The following ZNF804A variants were observed in gnomAD, a reference collection of about 807,000 sequenced individuals.
ZNF804A encodes zinc finger protein 804A.
Under a neutral mutation model 16.5 loss-of-function variants are expected in ZNF804A, and 2 were observed. That is an observed-to-expected ratio of 0.12 (90% CI 0.05 to 0.38). ZNF804A has a LOEUF of 0.38. ZNF804A is among the 10% of genes least tolerant of loss of function. ZNF804A has a pLI of 0.99. For missense variants in ZNF804A, 1,473 were observed against 1,390.7 expected (o/e 1.06, Z -0.94); for synonymous variants, 534 against 489.6 (o/e 1.09, Z -1.20).
intron 1 of ZNF804A, among the ~76,000 whole-genome samples, chr2:184,864,352 A>G (rs1427894339): frequency 3.9e-5 from 6 of 152,164 alleles, no homozygotes; most frequent in Non-Finnish European, 7.3e-5. Flanking sequence ...GTGTTAATCT[A>G]TTGATGAAGG....
intron 1 of ZNF804A, among the ~76,000 whole-genome samples, chr2:184,809,337 A>C (rs1694857743): frequency 6.6e-6 from 1 of 151,896 alleles, no homozygotes; most frequent in African/African-American, 2.4e-5. Context: ...GAGTAGGAGA[A>C]AGTGAATGGA....
chr2:184,795,669 C>T (rs551457262), intron 1 of ZNF804A, among the ~76,000 whole-genome samples: 1 of 152,010 alleles, frequency 6.6e-6, no homozygotes, highest in East Asian at 1.9e-4. Context: ...ATTGATAGAC[C>T]TTTATCAAGT....
chr2:184,621,722 T>C (rs1424195542), intron 1 of ZNF804A, among the ~76,000 whole-genome samples: 3 of 151,794 alleles, frequency 2.0e-5, no homozygotes, highest in East Asian at 3.8e-4. Context: ...AGTAGAAATA[T>C]TTTTAAAAAT....
intron 1 of ZNF804A, among the ~76,000 whole-genome samples, chr2:184,616,954 C>T (rs80104899): frequency 6.6e-6 from 1 of 152,120 alleles, no homozygotes; most frequent in East Asian, 1.9e-4. Context: ...TTGGATGTCA[C>T]ACATTCATAT....
chr2:184,892,374 T>C (rs1334275609), intron 2 of ZNF804A, among the ~76,000 whole-genome samples: 3 of 151,980 alleles, frequency 2.0e-5, no homozygotes, highest in Non-Finnish European at 4.4e-5. Flanking sequence ...ATTTTTTGGG[T>C]TGTTGAAAGA....
chr2:184,767,051 C>T (rs1694139293), intron 1 of ZNF804A, among the ~76,000 whole-genome samples: 1 of 152,074 alleles, frequency 6.6e-6, no homozygotes, highest in African/African-American at 2.4e-5. Context: ...TATCTACAAG[C>T]CAAGGAGAAA....
chr2:184,741,312 A>G (rs1693705647), intron 1 of ZNF804A, among the ~76,000 whole-genome samples: 1 of 152,208 alleles, frequency 6.6e-6, no homozygotes, highest in African/African-American at 2.4e-5. Flanking sequence ...CTCATTCAGT[A>G]CAAGTTGCAG....
chr2:184,713,131 C>A (rs1693156302), intron 1 of ZNF804A, among the ~76,000 whole-genome samples: 1 of 151,632 alleles, frequency 6.6e-6, no homozygotes, highest in Non-Finnish European at 1.5e-5. Context: ...AAATAGCCAC[C>A]TCTCCCAGTC....
chr2:184,877,663 C>T (rs1684730088), intron 2 of ZNF804A, among the ~76,000 whole-genome samples: 2 of 152,006 alleles, frequency 1.3e-5, no homozygotes, highest in Non-Finnish European at 2.9e-5. Flanking sequence ...TTAAAAATAG[C>T]ATTCCCAGAG....
Position 184,938,691 on chromosome 2 carries a change from C to T in ZNF804A, c.3295C>T (p.His1099Tyr). The T allele has an allele frequency of 6.2e-7, 1 of 1,613,772 alleles. No individual in the cohort carries two copies. The highest frequency in any genetic ancestry group is 2.2e-5 in the East Asian group (1 of 44,820). The change falls in exon 4 of 4, where the codon CAT becomes TAT. Residue 1099 changes from histidine (H) to tyrosine (Y), a missense_variant. His to Tyr is a moderately conservative substitution (Grantham distance 83). Transcript: ENST00000302277. ...ATGTTCTACCTCTGTAACCACTATC[C>T]ATCACACTGTTTTGCAGCAGCACGC... ...SLCSTSVTTI[H>Y]HTVLQQHAAA...
At chr2:184,846,945 A>G (rs1185828082) in intron 1 of ZNF804A, among the ~76,000 whole-genome samples, 1 of 152,122 alleles carries the variant, frequency 6.6e-6, no homozygotes, top group East Asian at 1.9e-4. Flanking sequence ...CTTCTTGTAC[A>G]TGAACAGATT....
intron 1 of ZNF804A, among the ~76,000 whole-genome samples, chr2:184,610,196 G>C (rs548957038): frequency 2.9e-4 from 44 of 152,234 alleles, no homozygotes; most frequent in Non-Finnish European, 5.4e-4. Context: ...GTCCCCGCCA[G>C]TAAGAAGCTT....
chr2:184,729,779 G>C (rs1413927959), intron 1 of ZNF804A, among the ~76,000 whole-genome samples: 4 of 152,056 alleles, frequency 2.6e-5, no homozygotes, highest in Non-Finnish European at 5.9e-5. Context: ...AATGTGTCAT[G>C]CCAACATAAA....
chr2:184,804,011 C>T (rs1012821134), intron 1 of ZNF804A, among the ~76,000 whole-genome samples: 8 of 151,964 alleles, frequency 5.3e-5, no homozygotes, highest in East Asian at 3.9e-4. Flanking sequence ...TAGAGGTGTG[C>T]GCCAACATGC....
At chr2:184,641,782 CAT>C (rs1691800153) in intron 1 of ZNF804A, among the ~76,000 whole-genome samples, 1 of 152,110 alleles carries the variant, frequency 6.6e-6, no homozygotes, top group Admixed American at 6.5e-5. Flanking sequence ...TTAATTGCAA[CAT>C]ATGCAGTAAG....
At chr2:184,621,507 G>A (rs948636561) in intron 1 of ZNF804A, among the ~76,000 whole-genome samples, 1 of 151,726 alleles carries the variant, frequency 6.6e-6, no homozygotes, top group Non-Finnish European at 1.5e-5. Context: ...ACTAGAGAAA[G>A]TATGTGTCTG....
intron 1 of ZNF804A, among the ~76,000 whole-genome samples, chr2:184,704,232 A>G (rs987869088): frequency 6.6e-6 from 1 of 151,490 alleles, no homozygotes; most frequent in South Asian, 2.1e-4. Flanking sequence ...ACTCACGGCA[A>G]CCCCCGCCTC....
chr2:184,813,401 G>T (rs1405483032), intron 1 of ZNF804A, among the ~76,000 whole-genome samples: 1 of 152,084 alleles, frequency 6.6e-6, no homozygotes, highest in Non-Finnish European at 1.5e-5. Flanking sequence ...GAGAATTAGG[G>T]TTTGAGCTGG....
chr2:184,663,796 C>T (rs1432602108), intron 1 of ZNF804A, among the ~76,000 whole-genome samples: 1 of 152,176 alleles, frequency 6.6e-6, no homozygotes, highest in Non-Finnish European at 1.5e-5. Context: ...AGGCAGACAT[C>T]ACAAATAGAT....
Sources: allele counts gnomAD v4.1 joint callset (sites outside exome capture counted in the v4.1 genomes callset), GRCh38; gene constraint gnomAD v4.1.1; transcripts MANE v1.5; gene names NCBI Gene and HGNC (gene_info 2026-07-23, HGNC 2026-07-21).